TM9SF2: variants seen among roughly 807,000 people sequenced by gnomAD.
The protein encoded by TM9SF2 is transmembrane 9 superfamily member 2.
In TM9SF2, 13 loss-of-function variants were observed where a neutral mutation model predicts 84.9. That is an observed-to-expected ratio of 0.15 (90% CI 0.10 to 0.24). The LOEUF is 0.24. TM9SF2 is among the 10% of genes least tolerant of loss of function. The pLI is 1.00. For missense variants in TM9SF2, 562 were observed against 818.5 expected, an observed-to-expected ratio of 0.69 and a Z score of 3.82; for synonymous variants, 273 against 285.8, an observed-to-expected ratio of 0.96 and a Z score of 0.45.
chr13:99,558,824 A>G (rs2046334135), intron 15 of TM9SF2, among the ~76,000 whole-genome samples: 1 of 152,186 alleles, frequency 6.6e-6, no homozygotes, highest in Non-Finnish European at 1.5e-5. Flanking sequence ...GGCAAGAGAG[A>G]TAGTGAAGTG....
chr13:99,562,136 C>G (rs2046347301), intron 16 of TM9SF2, among the ~76,000 whole-genome samples: 1 of 150,666 alleles, frequency 6.6e-6, no homozygotes, highest in South Asian at 2.1e-4. Flanking sequence ...CAGAGCTGCT[C>G]TGTTCTCTGC....
At chr13:99,521,968 A>G (rs1277134560) in intron 3 of TM9SF2, among the ~76,000 whole-genome samples, 4 of 151,986 alleles carry the variant, frequency 2.6e-5, no homozygotes, top group Admixed American at 6.6e-5. Flanking sequence ...CAGCCTTCCA[A>G]AGGGTTGGGA....
intron 7 of TM9SF2, 137 bp downstream of exon 7, chr13:99,539,694 G>A: frequency 1.6e-6 from 1 of 634,226 alleles, no homozygotes; most frequent in Non-Finnish European, 2.8e-6. Context: ...TAGTTTGTCG[G>A]TGTACCAAGC....
At chr13:99,510,858 T>G (rs2046110905) in intron 1 of TM9SF2, among the ~76,000 whole-genome samples, 1 of 152,232 alleles carries the variant, frequency 6.6e-6, no homozygotes, top group Admixed American at 6.5e-5. Context: ...TGTATTATTT[T>G]GTCATCCAAA....
At chr13:99,537,561 CAATT>C (rs1566569375) in intron 5 of TM9SF2, among the ~76,000 whole-genome samples, 174 bp from the exon 6 acceptor site, 1 of 151,984 alleles carries the variant, frequency 6.6e-6, no homozygotes, top group African/African-American at 2.4e-5. Flanking sequence ...ATACCTTCCC[CAATT>C]AATTTTTGGC....
intron 4 of TM9SF2, among the ~76,000 whole-genome samples, chr13:99,530,796 A>G (rs950027097): frequency 1.3e-5 from 2 of 152,188 alleles, no homozygotes; most frequent in South Asian, 2.1e-4. Flanking sequence ...ATCAAAAAGT[A>G]TTTAAAACTG....
intron 14 of TM9SF2, 28 bp from the exon 15 acceptor site, chr13:99,555,508 A>G (rs2046321673): frequency 1.4e-6 from 2 of 1,481,412 alleles, no homozygotes; most frequent in Non-Finnish European, 1.9e-6. Context: ...AAATATTTAT[A>G]GTTCCTTCTT....
At chr13:99,503,802 A>T in intron 1 of TM9SF2, among the ~76,000 whole-genome samples, 1 of 151,786 alleles carries the variant, frequency 6.6e-6, no homozygotes, top group Non-Finnish European at 1.5e-5. Flanking sequence ...TCTTCCAGTT[A>T]GATGATTGTT....
In TM9SF2 at chr13:99,504,737, A is replaced by G. The variant is rs146367242; in HGVS notation, c.171+2960A>G. Among the ~76,000 whole-genome samples the G allele has an allele frequency of 9.2e-5, 14 of 152,332 alleles. No homozygotes were observed. In the East Asian group the frequency reaches 2.7e-3, roughly 29 times the overall value. Reference sequence around the variant, plus strand: ...TGATTAATTTTCTTAGCCTTCATAGATACTGTGAGTATGTTTTCATGGCCT... The same window carrying G: ...TGATTAATTTTCTTAGCCTTCATAGGTACTGTGAGTATGTTTTCATGGCCT... On this transcript the variant is annotated intron_variant, in intron 1 of 16. Transcript: ENST00000376387.
At chr13:99,539,959 G>T (rs914111359) in intron 7 of TM9SF2, among the ~76,000 whole-genome samples, 3 of 152,102 alleles carry the variant, frequency 2.0e-5, no homozygotes, top group African/African-American at 7.2e-5. Flanking sequence ...AAAATTGAAG[G>T]GAGTGTTTTC....
At chr13:99,541,512 TC>T (rs2046259434) in intron 8 of TM9SF2, 46 bp from the exon 9 acceptor site, 1 of 1,385,040 alleles carries the variant, frequency 7.2e-7, no homozygotes, top group African/African-American at 1.4e-5. Flanking sequence ...GTTTTACTGT[TC>T]CTAGGATTAA....
chr13:99,513,674 T>C (rs1243848505), intron 1 of TM9SF2, among the ~76,000 whole-genome samples: 2 of 152,226 alleles, frequency 1.3e-5, no homozygotes, highest in Non-Finnish European at 2.9e-5. Flanking sequence ...TAATCCAGCT[T>C]ACTGCTTGTT....
At chr13:99,530,240 C>T (rs1001434718) in intron 4 of TM9SF2, among the ~76,000 whole-genome samples, 3 of 151,998 alleles carry the variant, frequency 2.0e-5, no homozygotes, top group East Asian at 1.9e-4. Flanking sequence ...CTGGCTAACA[C>T]GATGAAACCC....
intron 1 of TM9SF2, among the ~76,000 whole-genome samples, chr13:99,513,120 T>C (rs2046120323): frequency 6.6e-6 from 1 of 152,182 alleles, no homozygotes; most frequent in African/African-American, 2.4e-5. Flanking sequence ...GTTTAGAACA[T>C]AGGAAGGAAA....
At chr13:99,534,312 T>C (rs2046224177) in intron 4 of TM9SF2, among the ~76,000 whole-genome samples, 1 of 152,196 alleles carries the variant, frequency 6.6e-6, no homozygotes, top group East Asian at 1.9e-4. Flanking sequence ...CCCACCAAGT[T>C]AGCAAAGGAG....
chr13:99,508,404 AACACACAC>A lies in TM9SF2; in HGVS notation c.171+6660_171+6667del, dbSNP rs61561266. The stretch of plus-strand genomic sequence containing the variant: ...AGAGTGGGAAAAAAAAGGCAAACAA[AACACACAC>A]ACACACACACACACACACACACACA... On this transcript the variant is annotated intron_variant, in intron 1 of 16. Transcript: ENST00000376387. Among the ~76,000 whole-genome samples the A allele has an allele frequency of 8.4e-4, 113 of 134,506 alleles. 1 individual carries two copies. The highest frequency in any genetic ancestry group is 1.6e-3 in the African/African-American group (55 of 34,458). 88.2% of individuals were successfully genotyped at this position (134,506 alleles called of 152,430 possible).
In TM9SF2 at chr13:99,501,904, A is replaced by G. The variant is rs1014480420; in HGVS notation, c.171+127A>G. The G allele has an allele frequency of 4.5e-5, 61 of 1,354,884 alleles. No individual in the cohort carries two copies. The African/African-American group carries it at 8.3e-4, about 18-fold the overall frequency. The allele number at this position is 1,354,884 out of a possible 1,614,324, so 83.9% of individuals were successfully genotyped here. On this transcript the variant is annotated intron_variant, in intron 1 of 16. Coordinates refer to ENST00000376387, the MANE Select transcript of TM9SF2 (RefSeq NM_004800.3). ...GCAGCGGGTGGGGTTGAGTTTCCCC[A>G]GAAGCTTTTGGGGTCTGCTGGGCTG...
intron 15 of TM9SF2, among the ~76,000 whole-genome samples, chr13:99,558,624 C>G (rs1370557606): frequency 6.6e-6 from 1 of 152,064 alleles, no homozygotes; most frequent in African/African-American, 2.4e-5. Flanking sequence ...ATTTTCTTCT[C>G]AGATTGCTCA....
chr13:99,517,694 G>C lies in TM9SF2; in HGVS notation c.239+13G>C. 6.4e-7 allele frequency: 1 copy of C among 1,555,236 alleles called. No homozygotes were observed. Among genetic ancestry groups the C allele is most frequent in the Non-Finnish European group, 8.7e-7 (1 of 1,155,278 alleles). On this transcript the variant is annotated intron_variant, in intron 2 of 16. Transcript: ENST00000376387. ...ATGAATACACAGCGTAAGTTTTTCA[G>C]CTTGGCTTTTATATAAAATTTTATG...
Sources: gnomAD v4.1 joint callset for allele counts (sites outside exome capture counted in the v4.1 genomes callset) on GRCh38, gnomAD v4.1.1 for gene constraint, MANE v1.5 for transcripts, NCBI Gene and HGNC (gene_info 2026-07-23, HGNC 2026-07-21) for gene names.